The following ANKRD30A variants were observed in gnomAD, a reference collection of about 807,000 sequenced individuals.
The protein encoded by ANKRD30A is ankyrin repeat domain-containing protein 30A.
A neutral mutation model predicts 166.3 loss-of-function variants in ANKRD30A; 170 were observed. That is an observed-to-expected ratio of 1.02 (90% CI 0.90 to 1.16). ANKRD30A has a LOEUF of 1.16. Among genes scored for constraint, ANKRD30A ranks in the 50% most tolerant of loss-of-function variants. The pLI is 0.00. For synonymous variants in ANKRD30A, 564 were observed against 508.9 expected (o/e 1.11, Z -1.46); for missense variants, 1,630 against 1,518.0 (o/e 1.07, Z -1.23).
intron 34 of ANKRD30A, among the ~76,000 whole-genome samples, chr10:37,222,500 T>C (rs1409824121): frequency 1.3e-5 from 2 of 151,348 alleles, no homozygotes; most frequent in African/African-American, 4.8e-5. Context: ...TATTCATTCA[T>C]CAGTTGATAG....
chr10:37,134,196 A>G lies in ANKRD30A; in HGVS notation c.755+143A>G. 8.0e-6 allele frequency: 8 copies of G among 998,736 alleles called. 1 individual carries two copies. The South Asian group carries it at 1.3e-4, about 17-fold the overall frequency. 61.9% of individuals were successfully genotyped at this position (998,736 alleles called of 1,614,324 possible). On this transcript the variant is annotated intron_variant, in intron 5 of 35. Coordinates refer to ENST00000361713, the MANE Select transcript of ANKRD30A (RefSeq NM_052997.3). ...AGGAGTATTGGGTCCAGGATTCTTT[A>G]TTTTAGGACTTTCAACAACTTTATC...
the ANKRD30A span, among the ~76,000 whole-genome samples, chr10:37,250,665 C>A: frequency 6.6e-6 from 1 of 152,026 alleles, no homozygotes; most frequent in Non-Finnish European, 1.5e-5. Context: ...GATGAGTGCC[C>A]TTATAGAAGG....
At chr10:37,151,394 G>A (rs775896756) in intron 11 of ANKRD30A, among the ~76,000 whole-genome samples, 1 of 151,996 alleles carries the variant, frequency 6.6e-6, no homozygotes, top group African/African-American at 2.4e-5. Flanking sequence ...TTTCTCCAAG[G>A]TGTCACAAAC....
intron 6 of ANKRD30A, among the ~76,000 whole-genome samples, chr10:37,141,343 A>T (rs1837092598): frequency 6.6e-6 from 1 of 152,060 alleles, no homozygotes; most frequent in Non-Finnish European, 1.5e-5. Flanking sequence ...AGGCCAAGGC[A>T]GATGTATTGC....
chr10:37,164,982 G>T, intron 17 of ANKRD30A, 112 bp from the exon 18 acceptor site: 2 of 1,137,124 alleles, frequency 1.8e-6, no homozygotes, highest in Non-Finnish European at 2.6e-6. Flanking sequence ...AGAACATATG[G>T]GCCACAGAGG....
At chr10:37,232,703 G>A (rs1447582311), downstream of ANKRD30A, 1 of 79,766 alleles carries the variant, frequency 1.3e-5, no homozygotes, top group African/African-American at 4.3e-5. Context: ...TAAATAGAGA[G>A]AGAGAGAGAG....
intron 1 of ANKRD30A, among the ~76,000 whole-genome samples, chr10:37,127,155 C>T (rs1255133052): frequency 2.0e-5 from 3 of 149,280 alleles, no homozygotes; most frequent in Non-Finnish European, 4.4e-5. Context: ...TCCACAAACA[C>T]CCAAATATAT....
At chr10:37,248,212 C>T in the ANKRD30A span, 1 of 631,222 alleles carries the variant, frequency 1.6e-6, no homozygotes, top group Admixed American at 1.8e-5. Context: ...TACAAAATCA[C>T]CCAGAATGCC....
chr10:37,190,550 T>A (rs946968499), intron 25 of ANKRD30A, among the ~76,000 whole-genome samples: 2 of 151,714 alleles, frequency 1.3e-5, no homozygotes, highest in African/African-American at 4.9e-5. Context: ...ATGGGAAGAA[T>A]CAAGAGCAGA....
At chr10:37,255,373 T>A in the ANKRD30A span, among the ~76,000 whole-genome samples, 3 of 152,072 alleles carry the variant, frequency 2.0e-5, no homozygotes, top group Non-Finnish European at 4.4e-5. Flanking sequence ...ACCCAATATA[T>A]CCATGTAACA....
At chr10:37,251,459 G>A in the ANKRD30A span, among the ~76,000 whole-genome samples, 3 of 152,100 alleles carry the variant, frequency 2.0e-5, no homozygotes, top group Non-Finnish European at 2.9e-5. Flanking sequence ...TCACCTTCAG[G>A]CTTATTTCCT....
At chr10:37,219,988 AATATAT>A (rs71007624) in intron 34 of ANKRD30A, 91 bp downstream of exon 34, 11,937 of 187,464 alleles carry the variant, frequency 0.064, 812 homozygotes, top group Admixed American at 0.13. Context: ...AATCTAGTTG[AATATAT>A]ATATATATAT....
chr10:37,253,357 C>G, the ANKRD30A span, among the ~76,000 whole-genome samples: 1 of 152,132 alleles, frequency 6.6e-6, no homozygotes, highest in Non-Finnish European at 1.5e-5. Flanking sequence ...ACAACATATA[C>G]CATACAATTT....
At chr10:37,190,616 C>G (rs1025420228) in intron 25 of ANKRD30A, among the ~76,000 whole-genome samples, 4 of 151,640 alleles carry the variant, frequency 2.6e-5, no homozygotes, top group Admixed American at 2.6e-4. Flanking sequence ...AAGCAGGGGA[C>G]AAGAGAGAAT....
chr10:37,160,426 G>T (rs1428057607), intron 15 of ANKRD30A, among the ~76,000 whole-genome samples: 3 of 152,016 alleles, frequency 2.0e-5, no homozygotes, highest in Non-Finnish European at 2.9e-5. Context: ...GGAGAAATAG[G>T]AAAAACATTA....
rs755796064 is a variant in ANKRD30A at position 37,142,158 on chromosome 10, A to G, written c.1261A>G (p.Lys421Glu). Reference sequence around the variant, plus strand: ...AAGACCTAGGAAGATCGCATGGGAGAAAAAAGAAACACCTGTAAAGACTGG... The same window carrying G: ...AAGACCTAGGAAGATCGCATGGGAGGAAAAAGAAACACCTGTAAAGACTGG... ...KGRPRKIAWE[K>E]KETPVKTGCV... The change falls in exon 7 of 36, where the codon AAA (lysine) becomes GAA (glutamate). Residue 421 changes from lysine (K) to glutamate (E), a missense_variant. Around this residue, in one of 4 missense-constraint regions of ANKRD30A, gnomAD observed 904 missense variants for 818.5 expected, o/e 1.10. Transcript: ENST00000361713. 1 of 1,614,102 alleles carries G rather than the reference A, an allele frequency of 6.2e-7. No homozygotes were observed. Among genetic ancestry groups the G allele is most frequent in the East Asian group, 2.2e-5 (1 of 44,876 alleles).
chr10:37,234,150 C>G, downstream of ANKRD30A, among the ~76,000 whole-genome samples: 1 of 152,126 alleles, frequency 6.6e-6, no homozygotes, highest in African/African-American at 2.4e-5. Flanking sequence ...GCACCTGTCA[C>G]CAACACATGA....
intron 27 of ANKRD30A, among the ~76,000 whole-genome samples, chr10:37,194,329 C>T (rs1421539599): frequency 1.3e-5 from 2 of 151,366 alleles, no homozygotes; most frequent in Non-Finnish European, 2.9e-5. Flanking sequence ...TTTTTGTTTG[C>T]ATTTCTTTCT....
chr10:37,160,994 C>G (rs1273832143), intron 15 of ANKRD30A, among the ~76,000 whole-genome samples: 1 of 152,188 alleles, frequency 6.6e-6, no homozygotes, highest in Non-Finnish European at 1.5e-5. Flanking sequence ...TGGCTCACGC[C>G]TGTAATCCCA....
Sources: gnomAD v4.1 joint callset for allele counts (sites outside exome capture counted in the v4.1 genomes callset) on GRCh38, gnomAD v4.1.1 for gene constraint, gnomAD v4.1.1 regional missense constraint, MANE v1.5 for transcripts, NCBI Gene and HGNC (gene_info 2026-07-23, HGNC 2026-07-21) for gene names.